The following HDAC4 variants were observed in gnomAD, a reference collection of about 807,000 sequenced individuals.
HDAC4 encodes histone deacetylase A.
A neutral mutation model predicts 135.1 loss-of-function variants in HDAC4; 16 were observed. The observed-to-expected ratio is 0.12, with a 90% CI of 0.08 to 0.18. The LOEUF (loss-of-function observed/expected upper bound fraction) is 0.18. Ranked by LOEUF, HDAC4 falls within the 10% of genes least tolerant of loss-of-function variation. HDAC4 has a pLI of 1.00. For missense variants in HDAC4, 1,143 were observed against 1,511.8 expected (o/e 0.76, Z 4.05); for synonymous variants, 685 against 653.4 (o/e 1.05, Z -0.74).
At chr2:239,298,314 C>G (rs1346679462) in intron 2 of HDAC4, 1 of 1,241,286 alleles carries the variant, frequency 8.1e-7, no homozygotes. Flanking sequence ...GGGGGAGCCC[C>G]TGGGCATCAC....
At chr2:239,105,622 G>A (rs994557970) in intron 15 of HDAC4, among the ~76,000 whole-genome samples, 2 of 152,126 alleles carry the variant, frequency 1.3e-5, no homozygotes, top group Admixed American at 1.3e-4. Context: ...GTGAGGGGAG[G>A]GCCTCACCCC....
intron 4 of HDAC4, among the ~76,000 whole-genome samples, chr2:239,184,799 G>T (rs1419519231): frequency 7.9e-5 from 6 of 76,216 alleles, no homozygotes; most frequent in Admixed American, 1.2e-4. Flanking sequence ...GTCCTATGGG[G>T]GGGTCCCTCA....
At chr2:239,106,681 G>A (rs2038165701) in intron 15 of HDAC4, among the ~76,000 whole-genome samples, 1 of 149,280 alleles carries the variant, frequency 6.7e-6, no homozygotes, top group South Asian at 2.1e-4. Context: ...AACTGGTAAA[G>A]GAAACGGGGG....
intron 2 of HDAC4, among the ~76,000 whole-genome samples, chr2:239,312,454 T>G (rs1371162479): frequency 6.6e-6 from 1 of 152,164 alleles, no homozygotes. Context: ...AGTTCCACAT[T>G]AGGCCCTTTC....
At chr2:239,094,888 C>A (rs1305384893) in intron 17 of HDAC4, 122 bp downstream of exon 17, 3 of 1,596,798 alleles carry the variant, frequency 1.9e-6, no homozygotes, top group Non-Finnish European at 2.6e-6. Context: ...ATGGGCAGCC[C>A]CTGCGTATGG....
chr2:239,098,476 A>C (rs1190941566), intron 16 of HDAC4, among the ~76,000 whole-genome samples: 7 of 152,212 alleles, frequency 4.6e-5, no homozygotes, highest in Non-Finnish European at 2.9e-5. Context: ...CCTGAGCATC[A>C]CCGGCACCCA....
rs2038673928 is a variant in HDAC4, at chr2:239,111,545, G to A, written c.1959C>T (p.Thr653=). ...TFPVSVQEPP[T]KPRFTTGLVY... ...TGTTACCTGTCGTGAACCTCGGCTT[G>A]GTGGGGGGCTCCTGCACAGACACGG... Residue 653 remains threonine (T), a synonymous_variant, in exon 14 of 27, where the codon ACC becomes ACT. Transcript: ENST00000543185. 3 of 1,612,398 alleles carry A rather than the reference G, an allele frequency of 1.9e-6. No homozygotes were observed. In the African/African-American group the frequency reaches 4.0e-5, roughly 21 times the overall value.
At chr2:239,354,642 A>C (rs1417414193) in intron 1 of HDAC4, among the ~76,000 whole-genome samples, 1 of 119,660 alleles carries the variant, frequency 8.4e-6, no homozygotes, top group Non-Finnish European at 1.6e-5. Context: ...GTAAAGAATC[A>C]CCCCCGCCCC....
At chr2:239,337,247 C>A (rs1691996728) in intron 2 of HDAC4, among the ~76,000 whole-genome samples, 3 of 152,186 alleles carry the variant, frequency 2.0e-5, no homozygotes, top group African/African-American at 7.2e-5. Context: ...CTCGGAGACA[C>A]TGCTGTCAGA....
rs1336509416 is a variant in HDAC4 at position 239,352,363 on chromosome 2, C to T, written c.22+315G>A. On this transcript the variant is annotated intron_variant, in intron 2 of 26. Transcript: ENST00000543185. The surrounding 1 kb of genome is among the most constrained non-coding windows in gnomAD (Gnocchi z 4.4). ...AAAGACACTGGGCAAGAAACCAGCT[C>T]TCCACATCACAACCTGACCTTTCAA... Among the ~76,000 whole-genome samples, 1 of 152,086 alleles carries T rather than the reference C, an allele frequency of 6.6e-6. No individual in the cohort carries two copies. The highest frequency in any genetic ancestry group is 1.5e-5 in the Non-Finnish European group (1 of 68,016).
chr2:239,147,494 C>A (rs1041842599), intron 7 of HDAC4, among the ~76,000 whole-genome samples: 1 of 152,264 alleles, frequency 6.6e-6, no homozygotes, highest in Non-Finnish European at 1.5e-5. Context: ...CTGTGAGGGT[C>A]GAGGCTGCAC....
chr2:239,186,785 C>T (rs1352545193), intron 4 of HDAC4: 1 of 152,260 alleles, frequency 6.6e-6, no homozygotes, highest in African/African-American at 2.4e-5. Context: ...GAGACCTGGC[C>T]TCACCCTGAG....
chr2:239,084,301 A>C, intron 19 of HDAC4, 59 bp from the exon 20 acceptor site: 2 of 1,249,156 alleles, frequency 1.6e-6, no homozygotes, highest in Non-Finnish European at 2.3e-6. Flanking sequence ...CAGTTTCTCC[A>C]CGGCCCGCCA....
At chr2:239,348,558 G>A (rs1692887162) in intron 2 of HDAC4, among the ~76,000 whole-genome samples, 1 of 152,230 alleles carries the variant, frequency 6.6e-6, no homozygotes, top group South Asian at 2.1e-4. Flanking sequence ...AGAAAAAAAA[G>A]GAGGCGTAGC....
At chr2:239,275,396 C>A (rs962205581) in intron 2 of HDAC4, among the ~76,000 whole-genome samples, 2 of 152,232 alleles carry the variant, frequency 1.3e-5, no homozygotes, top group South Asian at 4.1e-4. Flanking sequence ...ACGGCAGGAG[C>A]CCAGACTTGC....
intron 24 of HDAC4, among the ~76,000 whole-genome samples, chr2:239,066,116 CG>C (rs143970265): frequency 0.032 from 4,876 of 152,310 alleles, 257 homozygotes; most frequent in African/African-American, 0.11. Context: ...TGGAATGGAA[CG>C]CTGCAGGTGG....
intron 3 of HDAC4, among the ~76,000 whole-genome samples, chr2:239,195,281 C>G (rs1383374371): frequency 6.6e-6 from 1 of 152,232 alleles, no homozygotes; most frequent in Non-Finnish European, 1.5e-5. Flanking sequence ...AACAGCAGCA[C>G]ACGCCGCCTG....
At chr2:239,226,785 C>T (rs752424912) in intron 3 of HDAC4, among the ~76,000 whole-genome samples, 26 of 152,332 alleles carry the variant, frequency 1.7e-4, no homozygotes, top group Non-Finnish European at 3.7e-4. Context: ...AAAGTGAGGC[C>T]GGCAGGCTCA....
chr2:239,239,588 A>T (rs57627664), intron 2 of HDAC4, among the ~76,000 whole-genome samples: 17,825 of 152,174 alleles, frequency 0.12, 1,180 homozygotes, highest in Non-Finnish European at 0.15. Flanking sequence ...AGCTCCTGGG[A>T]TCCTAAGAGC....
Sources: allele counts gnomAD v4.1 joint callset (sites outside exome capture counted in the v4.1 genomes callset), GRCh38; gene constraint gnomAD v4.1.1; non-coding constraint Gnocchi (gnomAD v3.1); transcripts MANE v1.5; gene names NCBI Gene and HGNC (gene_info 2026-07-23, HGNC 2026-07-21).